The following CNOT4 variants were observed in gnomAD, a reference collection of about 807,000 sequenced individuals.
The protein encoded by CNOT4 is CCR4-NOT transcription complex subunit 4.
CNOT4 carries 8 observed loss-of-function variants against 73.8 expected under a neutral mutation model. That is an observed-to-expected ratio of 0.11 (90% CI 0.06 to 0.20). The LOEUF is 0.20. Among genes scored for constraint, CNOT4 ranks in the 10% least tolerant of loss-of-function variants. The probability of loss-of-function intolerance (pLI) is 1.00; values close to 1 mark genes in which losing one functional copy is unlikely to be tolerated. For synonymous variants in CNOT4, 293 were observed against 321.1 expected (o/e 0.91, Z 0.94); for missense variants, 564 against 883.4 (o/e 0.64, Z 4.58).
At chr7:135,443,780 A>G (rs1026363051) in intron 1 of CNOT4, among the ~76,000 whole-genome samples, 11 of 152,188 alleles carry the variant, frequency 7.2e-5, no homozygotes, top group Non-Finnish European at 1.3e-4. Flanking sequence ...TATGTTTGAA[A>G]GTGTCTTATC....
chr7:135,383,852 T>C (rs1795970849), intron 10 of CNOT4, among the ~76,000 whole-genome samples: 1 of 152,084 alleles, frequency 6.6e-6, no homozygotes, highest in Admixed American at 6.5e-5. Context: ...GGAAACTGCC[T>C]TAATAGACTC....
chr7:135,367,358 C>T (rs929637691), intron 10 of CNOT4, among the ~76,000 whole-genome samples: 1 of 152,104 alleles, frequency 6.6e-6, no homozygotes, highest in Admixed American at 6.6e-5. Flanking sequence ...GAGTACAATT[C>T]AACGTGTATA....
intron 1 of CNOT4, among the ~76,000 whole-genome samples, chr7:135,451,315 G>A (rs762947659): frequency 6.6e-5 from 10 of 152,010 alleles, no homozygotes; most frequent in Non-Finnish European, 1.2e-4. Context: ...GTTTTTGTTC[G>A]AGAGATTCTC....
At chr7:135,411,638 A>G (rs1304548881) in intron 6 of CNOT4, among the ~76,000 whole-genome samples, 1 of 152,002 alleles carries the variant, frequency 6.6e-6, no homozygotes, top group Admixed American at 6.6e-5. Context: ...ACATTTTACT[A>G]TTTGCATGTA....
At chr7:135,414,491 A>T in intron 4 of CNOT4, 59 bp from the exon 5 acceptor site, 1 of 771,714 alleles carries the variant, frequency 1.3e-6, no homozygotes, top group Admixed American at 2.0e-5. Context: ...ATACTAAAAA[A>T]ATTCTACTGC....
At chr7:135,383,529 C>G (rs187524824) in intron 10 of CNOT4, among the ~76,000 whole-genome samples, 6 of 152,334 alleles carry the variant, frequency 3.9e-5, no homozygotes, top group Admixed American at 2.0e-4. Context: ...CCAGGATTCC[C>G]CAGGTGCCCA....
intron 3 of CNOT4, among the ~76,000 whole-genome samples, chr7:135,420,209 C>T (rs1798104556): frequency 6.6e-6 from 1 of 152,050 alleles, no homozygotes; most frequent in Non-Finnish European, 1.5e-5. Context: ...AAAACAGGTA[C>T]ATCCATATCC....
rs1035728483 is a variant in CNOT4 at position 135,387,675 on chromosome 7, A to T, written c.1627+6243T>A. 6 of 985,040 alleles carry T rather than the reference A, an allele frequency of 6.1e-6. No individual in the cohort carries two copies. In the African/African-American group the frequency reaches 1.0e-4, roughly 17 times the overall value. The allele number at this position is 985,040 out of a possible 1,614,324, so 61.0% of individuals were successfully genotyped here. On this transcript the variant is annotated intron_variant, in intron 10 of 11. Transcript: ENST00000541284. ...AGGCAGAATATGGTCATGTTTTCTG[A>T]ATCAGCTTTTGTCCACTGCTCCAAA...
chr7:135,443,358 A>C (rs56101588), intron 1 of CNOT4, among the ~76,000 whole-genome samples: 11,474 of 151,776 alleles, frequency 0.076, 491 homozygotes, highest in Middle Eastern at 0.13. Flanking sequence ...CTGTCACAAA[A>C]AAAAAAAAAA....
chr7:135,405,267 C>T (rs1797216635), intron 7 of CNOT4, among the ~76,000 whole-genome samples: 3 of 152,182 alleles, frequency 2.0e-5, no homozygotes, highest in Admixed American at 2.0e-4. Context: ...TCCACCCTCG[C>T]TCCACCTAAA....
At chr7:135,377,434 C>T (rs1356294248) in intron 10 of CNOT4, among the ~76,000 whole-genome samples, 1 of 152,124 alleles carries the variant, frequency 6.6e-6, no homozygotes, top group Non-Finnish European at 1.5e-5. Flanking sequence ...GTCTTTGTAC[C>T]TTCCACTCAA....
intron 3 of CNOT4, among the ~76,000 whole-genome samples, chr7:135,418,143 G>GT (rs1295002046): frequency 6.6e-6 from 1 of 152,188 alleles, no homozygotes; most frequent in East Asian, 1.9e-4. Context: ...TGTAACAATA[G>GT]TGGGCCTCAA....
chr7:135,508,343 T>A (rs1415522195), intron 1 of CNOT4, among the ~76,000 whole-genome samples: 2 of 152,238 alleles, frequency 1.3e-5, no homozygotes, highest in African/African-American at 4.8e-5. Flanking sequence ...AACATGGACA[T>A]CATAAGCCAC....
intron 1 of CNOT4, among the ~76,000 whole-genome samples, chr7:135,475,921 A>C (rs770357011): frequency 8.5e-5 from 13 of 152,172 alleles, no homozygotes; most frequent in Admixed American, 4.6e-4. Context: ...AATAACAACA[A>C]TGGAAAAATA....
chr7:135,394,172 G>A lies in CNOT4; in HGVS notation c.1373C>T (p.Ala458Val). 6.2e-7 allele frequency: 1 copy of A among 1,614,232 alleles called. No individual in the cohort carries two copies. Among genetic ancestry groups the A allele is most frequent in the Non-Finnish European group, 8.5e-7 (1 of 1,180,040 alleles). ...GPGSGFLHPA[A>V]ATNANSLNST... ...ATTGAGAGAATTGGCATTTGTAGCT[G>A]CAGCAGGATGCAGGAATCCAGAGCC... is the stretch of plus-strand genomic sequence containing the variant. Residue 458 changes from alanine (A) to valine (V), a missense_variant, in exon 10 of 12, where the codon GCA becomes GTA. This residue lies in a region of CNOT4 where 153 missense variants were observed against 158.7 expected (regional missense o/e 0.96). Coordinates refer to ENST00000541284, the MANE Select transcript of CNOT4 (RefSeq NM_001190850.2).
Position 135,428,534 on chromosome 7 carries a change from A to G in CNOT4, c.175-6181T>C, listed in dbSNP as rs111246313. Among the ~76,000 whole-genome samples, 5 of 152,322 alleles carry G rather than the reference A, an allele frequency of 3.3e-5. 1 individual carries two copies. The highest frequency in any genetic ancestry group is 1.2e-4 in the African/African-American group (5 of 41,588). ...CAGCAAGAGAAAAAAAAGAGCAAAC[A>G]TTACTTCTAGGTATGGAAAACACAA... On this transcript the variant is annotated intron_variant, in intron 2 of 11. Transcript: ENST00000541284.
At chr7:135,458,308 A>G in intron 1 of CNOT4, among the ~76,000 whole-genome samples, 1 of 152,146 alleles carries the variant, frequency 6.6e-6, no homozygotes, top group East Asian at 1.9e-4. Context: ...TACTGCTAAA[A>G]AATGATAAGA....
chr7:135,494,549 A>T (rs1270111995), intron 1 of CNOT4, among the ~76,000 whole-genome samples: 1 of 151,858 alleles, frequency 6.6e-6, no homozygotes, highest in African/African-American at 2.4e-5. Flanking sequence ...ATGGTAGATT[A>T]ACTTATTAAT....
At chr7:135,384,599 A>C in intron 10 of CNOT4, 1 of 752,426 alleles carries the variant, frequency 1.3e-6, no homozygotes, top group East Asian at 2.4e-5. Context: ...ACCTCTCTTA[A>C]GCTATACCAC....
Sources: gnomAD v4.1 joint callset for allele counts (sites outside exome capture counted in the v4.1 genomes callset) on GRCh38, gnomAD v4.1.1 for gene constraint, gnomAD v4.1.1 regional missense constraint, MANE v1.5 for transcripts, NCBI Gene and HGNC (gene_info 2026-07-23, HGNC 2026-07-21) for gene names.